The following ANKRD28 variants were observed in gnomAD, a reference collection of about 807,000 sequenced individuals.
ANKRD28 encodes serine/threonine-protein phosphatase 6 regulatory ankyrin repeat subunit A.
A neutral mutation model predicts 126.5 loss-of-function variants in ANKRD28; 44 were observed. The observed-to-expected ratio is 0.35, with a 90% CI of 0.27 to 0.45. ANKRD28 has a LOEUF of 0.45. Ranked by LOEUF, ANKRD28 falls within the 20% of genes least tolerant of loss-of-function variation. ANKRD28 has a pLI of 1.00. For synonymous variants in ANKRD28, 442 were observed against 468.5 expected (o/e 0.94, Z 0.73); for missense variants, 1,110 against 1,316.6 (o/e 0.84, Z 2.43).
chr3:15,763,463 G>C (rs1349337204), intron 3 of ANKRD28, among the ~76,000 whole-genome samples: 1 of 152,150 alleles, frequency 6.6e-6, no homozygotes, highest in Non-Finnish European at 1.5e-5. Context: ...TGCCTTCTTG[G>C]AGTTTACATT....
chr3:15,690,489 C>T (rs1040955032), intron 17 of ANKRD28, among the ~76,000 whole-genome samples: 4 of 152,158 alleles, frequency 2.6e-5, no homozygotes, highest in South Asian at 4.1e-4. Context: ...GCTTGGCTCA[C>T]GGCAGACATT....
intron 2 of ANKRD28, among the ~76,000 whole-genome samples, chr3:15,772,030 A>G (rs982511351): frequency 6.6e-6 from 1 of 152,210 alleles, no homozygotes; most frequent in Non-Finnish European, 1.5e-5. Flanking sequence ...AGTATTTTGA[A>G]TGGAATGAAA....
intron 2 of ANKRD28, among the ~76,000 whole-genome samples, chr3:15,779,688 C>A (rs1454142781): frequency 6.6e-6 from 1 of 152,144 alleles, no homozygotes; most frequent in East Asian, 1.9e-4. Flanking sequence ...GCTGACTATC[C>A]TACAATATGG....
intron 17 of ANKRD28, among the ~76,000 whole-genome samples, chr3:15,692,971 C>T (rs1196901725): frequency 1.3e-5 from 2 of 151,976 alleles, no homozygotes; most frequent in Non-Finnish European, 2.9e-5. Flanking sequence ...ATGGATGAAA[C>T]CTGCTAGATG....
intron 8 of ANKRD28, among the ~76,000 whole-genome samples, chr3:15,715,032 G>A (rs2072837629): frequency 6.6e-6 from 1 of 151,648 alleles, no homozygotes; most frequent in African/African-American, 2.4e-5. Flanking sequence ...AATTTTGTGT[G>A]GATACATTTA....
At chr3:15,719,796 C>G (rs186075849) in intron 8 of ANKRD28, among the ~76,000 whole-genome samples, 11 of 152,174 alleles carry the variant, frequency 7.2e-5, no homozygotes, top group Non-Finnish European at 1.5e-4. Flanking sequence ...CTCAAGTGAT[C>G]TTCTCGCCTT....
intron 9 of ANKRD28, 23 bp downstream of exon 9, chr3:15,714,555 A>G: frequency 6.5e-7 from 1 of 1,547,502 alleles, no homozygotes. Context: ...AAACCCCAAA[A>G]AAAAAACAGA....
chr3:15,823,459 G>T (rs1281827181), intron 1 of ANKRD28, among the ~76,000 whole-genome samples: 3 of 152,166 alleles, frequency 2.0e-5, no homozygotes, highest in Admixed American at 6.5e-5. Context: ...CTTTGCTGAT[G>T]AAGTCTACCA....
chr3:15,712,238 C>T lies in ANKRD28; in HGVS notation c.1191-16G>A, dbSNP rs762096313. On this transcript the variant is annotated splice_polypyrimidine_tract_variant and intron_variant, in intron 10 of 27. Coordinates refer to ENST00000683139, the MANE Select transcript of ANKRD28 (RefSeq NM_001349278.2). ...TATGCCACGCCTAAAGTTAATAGAA[C>T]AGGACAGTATCTTCATTTTAACACA... 1 of 1,549,630 alleles carries T rather than the reference C, an allele frequency of 6.5e-7. No homozygotes were observed. Among genetic ancestry groups the T allele is most frequent in the Admixed American group, 1.9e-5 (1 of 52,408 alleles).
chr3:15,685,988 A>G lies in ANKRD28; in HGVS notation c.2169+14T>C, dbSNP rs1350773838. The stretch of plus-strand genomic sequence containing the variant: ...TAAAAGCTTTTTGAAAGGAAAGAGC[A>G]TATTTCTGCTTACCCCTCTATGCAA... On this transcript the variant is annotated intron_variant, in intron 20 of 27. Coordinates refer to ENST00000683139, the MANE Select transcript of ANKRD28 (RefSeq NM_001349278.2). 6.2e-7 allele frequency: 1 copy of G among 1,603,840 alleles called. No individual in the cohort carries two copies. Among genetic ancestry groups the G allele is most frequent in the South Asian group, 1.1e-5 (1 of 89,946 alleles).
Position 15,685,292 on chromosome 3 carries a change from T to C in ANKRD28, c.2323A>G (p.Met775Val), listed in dbSNP as rs779626243. 1.5e-5 allele frequency: 24 copies of C among 1,613,882 alleles called. No individual in the cohort carries two copies. The highest frequency in any genetic ancestry group is 1.9e-5 in the Non-Finnish European group (23 of 1,179,874). Residue 775 changes from methionine (M) to valine (V), a missense_variant, in exon 21 of 28, where the codon ATG (methionine) becomes GTG (valine). By Grantham distance (21) the Met-to-Val change is conservative. Transcript: ENST00000683139. ...TCTGCTGTGGCTGGATTTGCATCCA[T>C]AGATGCTGCTGACTGCAAAAGGGCT... is the stretch of plus-strand genomic sequence containing the variant. ...LGALLQSAASMDANPATADNH... is the reference protein window; with the variant it reads ...LGALLQSAASVDANPATADNH...
At chr3:15,675,219 C>T (rs1239033193) in intron 27 of ANKRD28, among the ~76,000 whole-genome samples, 2 of 152,000 alleles carry the variant, frequency 1.3e-5, no homozygotes, top group Non-Finnish European at 2.9e-5. Context: ...TGCAGTAAGC[C>T]GAGATCATGG....
intron 7 of ANKRD28, among the ~76,000 whole-genome samples, chr3:15,722,820 T>C (rs1209195271): frequency 6.6e-6 from 1 of 152,102 alleles, no homozygotes; most frequent in Non-Finnish European, 1.5e-5. Flanking sequence ...AGAGCCTCCA[T>C]AAGGAACCAA....
intron 6 of ANKRD28, among the ~76,000 whole-genome samples, chr3:15,734,567 T>G (rs1164601282): frequency 6.6e-6 from 1 of 152,204 alleles, no homozygotes; most frequent in South Asian, 2.1e-4. Flanking sequence ...TTCTTTCAGC[T>G]GTTTTAAGAA....
chr3:15,764,233 A>G (rs556805994), intron 3 of ANKRD28, among the ~76,000 whole-genome samples: 4 of 152,314 alleles, frequency 2.6e-5, no homozygotes, highest in African/African-American at 9.6e-5. Context: ...AAAAATAAAA[A>G]AAGTATTTTT....
chr3:15,748,431 T>C (rs1306938183), intron 4 of ANKRD28, among the ~76,000 whole-genome samples: 1 of 152,218 alleles, frequency 6.6e-6, no homozygotes, highest in Non-Finnish European at 1.5e-5. Flanking sequence ...AAAGACTGTA[T>C]ACCCTCCTTC....
chr3:15,756,412 C>G (rs1355261783), intron 3 of ANKRD28: 1 of 780,058 alleles, frequency 1.3e-6, no homozygotes, highest in Non-Finnish European at 1.6e-6. Flanking sequence ...TTACCTAAAT[C>G]TAGAATTAAA....
At chr3:15,729,077 T>G (rs1187652148) in intron 6 of ANKRD28, among the ~76,000 whole-genome samples, 1 of 152,184 alleles carries the variant, frequency 6.6e-6, no homozygotes, top group Non-Finnish European at 1.5e-5. Context: ...CATCAGTAAT[T>G]AAATGCTCCA....
intron 4 of ANKRD28, 132 bp from the exon 5 acceptor site, chr3:15,737,365 C>T: frequency 1.3e-6 from 1 of 758,326 alleles, no homozygotes; most frequent in Non-Finnish European, 2.1e-6. Flanking sequence ...TCATAGAACT[C>T]ACTATAAACA....
Sources: allele counts gnomAD v4.1 joint callset (sites outside exome capture counted in the v4.1 genomes callset), GRCh38; gene constraint gnomAD v4.1.1; transcripts MANE v1.5; gene names NCBI Gene and HGNC (gene_info 2026-07-23, HGNC 2026-07-21).